SPAST: variants seen among roughly 807,000 people sequenced by gnomAD.
SPAST encodes spastic paraplegia 4 (autosomal dominant; spastin).
A neutral mutation model predicts 76.6 loss-of-function variants in SPAST; 30 were observed. The observed-to-expected ratio is 0.39, with a 90% CI of 0.29 to 0.53. SPAST has a LOEUF of 0.53. Ranked by LOEUF, SPAST falls within the 20% of genes least tolerant of loss-of-function variation. The pLI is 0.68. For synonymous variants in SPAST, 305 were observed against 281.0 expected (o/e 1.09, Z -0.86); for missense variants, 717 against 770.5 (o/e 0.93, Z 0.82).
At chr2:32,072,264 C>T (rs927075160) in intron 1 of SPAST, among the ~76,000 whole-genome samples, 18 of 152,032 alleles carry the variant, frequency 1.2e-4, no homozygotes, top group South Asian at 1.0e-3. Flanking sequence ...AGGATGGTCT[C>T]GATCTCTTGA....
Position 32,115,848 on chromosome 2 carries a change from A to T in SPAST, c.1004+13A>T. 1 of 1,596,196 alleles carries T rather than the reference A, an allele frequency of 6.3e-7. No individual in the cohort carries two copies. Among genetic ancestry groups the T allele is most frequent in the Non-Finnish European group, 8.6e-7 (1 of 1,167,238 alleles). ...AAATTGTGGACAAGTAAGTTTTGCC[A>T]TCTAAATGTTTTATTTTATAGTTTT... On this transcript the variant is annotated intron_variant, in intron 6 of 16. Transcript: ENST00000315285.
chr2:32,092,579 TATGTA>T (rs768080827), intron 3 of SPAST, among the ~76,000 whole-genome samples: 13 of 152,226 alleles, frequency 8.5e-5, no homozygotes, highest in Non-Finnish European at 1.5e-4. Context: ...AAAAAGAAGA[TATGTA>T]ATGTAATATG....
intron 13 of SPAST, 28 bp downstream of exon 13, chr2:32,141,974 G>GT: frequency 6.4e-7 from 1 of 1,573,500 alleles, no homozygotes; most frequent in Non-Finnish European, 8.7e-7. Context: ...AATTTTTTTT[G>GT]TTTTAGAGCA....
intron 5 of SPAST, 26 bp downstream of exon 5, chr2:32,114,851 GC>G (rs1678766589): frequency 5.7e-6 from 9 of 1,585,100 alleles, no homozygotes; most frequent in Non-Finnish European, 7.8e-6. Context: ...AACTTTAATT[GC>G]TGTCTTTTTG....
Position 32,154,974 on chromosome 2 carries a change from G to T in SPAST, c.*478G>T, listed in dbSNP as rs886055966. 1 of 153,350 alleles carries T rather than the reference G, an allele frequency of 6.5e-6. No homozygotes were observed. Among genetic ancestry groups the T allele is most frequent in the Admixed American group, 6.5e-5 (1 of 15,368 alleles). 9.5% of individuals were successfully genotyped at this position (153,350 alleles called of 1,614,324 possible). On this transcript the variant is annotated 3_prime_UTR_variant, in exon 17 of 17. Transcript: ENST00000315285. ...TGATTGGAATGCCAAACACTCTTAAGTTTATTTTCTTTTTTCGTTTTATAA... is the reference window on the plus strand; with the variant it reads ...TGATTGGAATGCCAAACACTCTTAATTTTATTTTCTTTTTTCGTTTTATAA...
chr2:32,077,057 G>GTA (rs1252765026), intron 1 of SPAST, among the ~76,000 whole-genome samples: 1 of 152,042 alleles, frequency 6.6e-6, no homozygotes, highest in African/African-American at 2.4e-5. Context: ...TGTATTTTTA[G>GTA]TAGAGATGGG....
intron 4 of SPAST, among the ~76,000 whole-genome samples, chr2:32,113,447 T>C (rs1182644759): frequency 6.6e-6 from 1 of 152,030 alleles, no homozygotes; most frequent in African/African-American, 2.4e-5. Context: ...TTTATAGTTA[T>C]AATAGTTTGG....
intron 7 of SPAST, among the ~76,000 whole-genome samples, chr2:32,125,986 G>A (rs928005548): frequency 7.2e-5 from 11 of 152,092 alleles, no homozygotes; most frequent in Middle Eastern, 3.4e-3. Flanking sequence ...TAGTAGAGAC[G>A]GGGTTTCATC....
chr2:32,081,790 A>AAAAAAAAAAAAAAAAAAAAAAAAAG (rs1677238363), intron 1 of SPAST, among the ~76,000 whole-genome samples: 1 of 148,056 alleles, frequency 6.8e-6, no homozygotes, highest in Non-Finnish European at 1.5e-5. Context: ...TCAAAAAAAA[A>AAAAAAAAAAAAAAAAAAAAAAAAAG]AAAAAAAAAA....
intron 1 of SPAST, among the ~76,000 whole-genome samples, chr2:32,066,972 CAAAAAA>C (rs60829143): frequency 2.6e-5 from 2 of 77,600 alleles, no homozygotes; most frequent in South Asian, 6.3e-4. Flanking sequence ...AAAACTGTCT[CAAAAAA>C]AAAAAAAAAA....
chr2:32,070,529 C>T (rs374776193), intron 1 of SPAST, among the ~76,000 whole-genome samples: 3 of 152,192 alleles, frequency 2.0e-5, no homozygotes, highest in East Asian at 3.8e-4. Context: ...TTAATTTGTA[C>T]AGCTCTGCAT....
chr2:32,141,801 C>T (rs1358814888), intron 12 of SPAST, 103 bp from the exon 13 acceptor site: 13 of 859,820 alleles, frequency 1.5e-5, no homozygotes, highest in Non-Finnish European at 2.4e-5. Context: ...AAAATGCATT[C>T]CAGTGCCTTG....
intron 7 of SPAST, among the ~76,000 whole-genome samples, chr2:32,121,534 A>AT (rs1250212662): frequency 2.4e-5 from 2 of 84,868 alleles, no homozygotes; most frequent in African/African-American, 4.5e-5. Context: ...CATCTTTCTC[A>AT]CTTTTTTTTT....
chr2:32,107,258 A>G (rs1469916048), intron 4 of SPAST, among the ~76,000 whole-genome samples: 2 of 151,836 alleles, frequency 1.3e-5, no homozygotes, highest in Admixed American at 6.6e-5. Context: ...TTTGAGATGA[A>G]GTCTTCCTCT....
At chr2:32,089,454 G>A (rs1485437298) in intron 2 of SPAST, 68 bp from the exon 3 acceptor site, 4 of 899,034 alleles carry the variant, frequency 4.4e-6, no homozygotes, top group Non-Finnish European at 7.3e-6. Context: ...AGTAGTTTGG[G>A]TGATAATTTA....
At chr2:32,126,465 A>C (rs200431643) in intron 7 of SPAST, 3 of 34,286 alleles carry the variant, frequency 8.7e-5, no homozygotes, top group Non-Finnish European at 2.0e-4. Flanking sequence ...AGTTGGTTTT[A>C]TTTCTTTTTT....
intron 16 of SPAST, among the ~76,000 whole-genome samples, chr2:32,152,010 A>G (rs1192314587): frequency 1.3e-5 from 2 of 152,012 alleles, no homozygotes; most frequent in East Asian, 3.8e-4. Flanking sequence ...TAAGGTTAGT[A>G]CTAAAATTGT....
At chr2:32,119,419 G>T (rs1041254891) in intron 7 of SPAST, among the ~76,000 whole-genome samples, 2 of 152,090 alleles carry the variant, frequency 1.3e-5, no homozygotes, top group African/African-American at 4.8e-5. Flanking sequence ...AGGCATTCTT[G>T]AGTATACTGG....
rs377669468 is a variant in SPAST, at chr2:32,139,839, AAAAAAAAAAAAG to A, written c.1494-2051_1494-2040del. Among the ~76,000 whole-genome samples, 4 of 146,942 alleles carry A rather than the reference AAAAAAAAAAAAG, an allele frequency of 2.7e-5. No individual in the cohort carries two copies. The South Asian group carries it at 6.3e-4, about 23-fold the overall frequency. On this transcript the variant is annotated intron_variant, in intron 12 of 16. Coordinates refer to ENST00000315285, the MANE Select transcript of SPAST (RefSeq NM_014946.4). ...GAGCAAGAATCCGTTTCCAAAATTA[AAAAAAAAAAAAG>A]AAAAAAAAAAAGACAATGGAGTACC...
Sources: gnomAD v4.1 joint callset for allele counts (sites outside exome capture counted in the v4.1 genomes callset) on GRCh38, gnomAD v4.1.1 for gene constraint, MANE v1.5 for transcripts, NCBI Gene and HGNC (gene_info 2026-07-23, HGNC 2026-07-21) for gene names.